Variants in LCOR observed in about 807,000 individuals in gnomAD.
LCOR encodes the protein ligand-dependent corepressor.
Under a neutral mutation model 64.4 loss-of-function variants are expected in LCOR, and 14 were observed. That is an observed-to-expected ratio of 0.22 (90% CI 0.14 to 0.34). LCOR has a LOEUF of 0.34. Among genes scored for constraint, LCOR ranks in the 10% least tolerant of loss-of-function variants. LCOR has a pLI of 1.00. For missense variants in LCOR, 1,686 were observed against 1,765.3 expected (o/e 0.96, Z 0.80); for synonymous variants, 643 against 642.5 (o/e 1.00, Z -0.01).
intron 4 of LCOR, among the ~76,000 whole-genome samples, chr10:96,915,460 G>T (rs1161374116): frequency 6.6e-6 from 1 of 152,190 alleles, no homozygotes; most frequent in African/African-American, 2.4e-5. Context: ...GGCGGAGGTT[G>T]CAGTCAGCCG....
At chr10:96,844,003 G>C (rs1845583985) in intron 2 of LCOR, among the ~76,000 whole-genome samples, 1 of 152,112 alleles carries the variant, frequency 6.6e-6, no homozygotes, top group Admixed American at 6.6e-5. Flanking sequence ...GGAGATTACA[G>C]ATTTGATTCG....
chr10:96,857,904 C>T (rs999039211), intron 2 of LCOR, among the ~76,000 whole-genome samples: 17 of 152,198 alleles, frequency 1.1e-4, no homozygotes, highest in African/African-American at 4.1e-4. Flanking sequence ...TGCCCAGTCC[C>T]TATTCCCTAA....
intron 2 of LCOR, among the ~76,000 whole-genome samples, chr10:96,887,510 C>T (rs940249859): frequency 2.0e-5 from 3 of 151,494 alleles, no homozygotes; most frequent in Non-Finnish European, 4.4e-5. Context: ...CTGCAGTGAG[C>T]CAAGATCACG....
chr10:96,929,843 C>T (rs1191981358), intron 4 of LCOR, among the ~76,000 whole-genome samples: 1 of 152,090 alleles, frequency 6.6e-6, no homozygotes, highest in African/African-American at 2.4e-5. Context: ...TATTAACTGG[C>T]CTAATTTCTA....
chr10:96,900,391 T>C (rs1466132536), intron 2 of LCOR, among the ~76,000 whole-genome samples: 1 of 151,856 alleles, frequency 6.6e-6, no homozygotes, highest in African/African-American at 2.4e-5. Context: ...AGTAAATGAA[T>C]CTCTTACGAG....
intron 4 of LCOR, among the ~76,000 whole-genome samples, chr10:96,926,531 C>A (rs1235637595): frequency 6.6e-6 from 1 of 151,818 alleles, no homozygotes; most frequent in Non-Finnish European, 1.5e-5. Context: ...TCTTTAATAC[C>A]CTGAACCTAT....
At chr10:96,896,164 C>T (rs898472781) in intron 2 of LCOR, among the ~76,000 whole-genome samples, 14 of 152,096 alleles carry the variant, frequency 9.2e-5, no homozygotes, top group African/African-American at 3.1e-4. Flanking sequence ...CTGCTTTGTA[C>T]AGTAGCACTT....
At chr10:96,884,178 G>A (rs777116222) in intron 2 of LCOR, among the ~76,000 whole-genome samples, 10 of 152,026 alleles carry the variant, frequency 6.6e-5, no homozygotes, top group African/African-American at 2.2e-4. Flanking sequence ...TCTCTCACTA[G>A]TGAAGTTTTC....
intron 2 of LCOR, among the ~76,000 whole-genome samples, chr10:96,861,375 G>T (rs1485210710): frequency 6.6e-6 from 1 of 152,178 alleles, no homozygotes; most frequent in Non-Finnish European, 1.5e-5. Flanking sequence ...GACAGTGGTA[G>T]TGTGAGTGTG....
intron 2 of LCOR, among the ~76,000 whole-genome samples, chr10:96,874,255 A>G (rs1016107919): frequency 1.2e-4 from 19 of 152,178 alleles, no homozygotes; most frequent in African/African-American, 4.1e-4. Flanking sequence ...CACGTGCGCC[A>G]TCATTAAAGA....
chr10:96,875,137 A>C (rs1179106070), intron 2 of LCOR, among the ~76,000 whole-genome samples: 6 of 151,390 alleles, frequency 4.0e-5, no homozygotes, highest in Non-Finnish European at 8.8e-5. Flanking sequence ...GTAATCCCAG[A>C]ACTTTGGGAG....
chr10:96,874,043 T>C (rs950520512), intron 2 of LCOR, among the ~76,000 whole-genome samples: 3 of 152,152 alleles, frequency 2.0e-5, no homozygotes, highest in East Asian at 3.9e-4. Flanking sequence ...TTGAAAATGA[T>C]TTGCTTTACT....
chr10:96,965,268 C>G (rs1459746034), intron 7 of LCOR, among the ~76,000 whole-genome samples: 1 of 151,740 alleles, frequency 6.6e-6, no homozygotes, highest in East Asian at 2.0e-4. Flanking sequence ...CTCAGCCTCC[C>G]AAAGTGCTGG....
At chr10:96,898,549 G>A (rs1436008565) in intron 2 of LCOR, among the ~76,000 whole-genome samples, 1 of 152,148 alleles carries the variant, frequency 6.6e-6, no homozygotes, top group Non-Finnish European at 1.5e-5. Flanking sequence ...TAGAGATGGT[G>A]GTGTGGGAGA....
Position 96,981,945 on chromosome 10 carries a change from A to T in LCOR, c.1485A>T (p.Lys495Asn). 6.2e-7 allele frequency: 1 copy of T among 1,614,220 alleles called. No homozygotes were observed. Among genetic ancestry groups the T allele is most frequent in the Non-Finnish European group, 8.5e-7 (1 of 1,180,052 alleles). The change falls in exon 8 of 8, where the codon AAA becomes AAT. Residue 495 changes from lysine to asparagine, a missense_variant. Coordinates refer to ENST00000421806, the MANE Select transcript of LCOR (RefSeq NM_001346516.2). ...AAAAATCAATATTATCTTCTCGGAA[A>T]ACAGCCAGAAAGAGTACTCGAGGAT... ...ENQKSILSSRKTARKSTRGYF... is the reference protein window; with the variant it reads ...ENQKSILSSRNTARKSTRGYF...
At chr10:96,911,157 G>T (rs1360155132) in intron 4 of LCOR, among the ~76,000 whole-genome samples, 1 of 148,292 alleles carries the variant, frequency 6.7e-6, no homozygotes, top group Non-Finnish European at 1.5e-5. Context: ...GGGTGCAGTG[G>T]TGTCATCTTG....
At chr10:96,840,263 T>C (rs1845517060) in intron 2 of LCOR, among the ~76,000 whole-genome samples, 1 of 152,242 alleles carries the variant, frequency 6.6e-6, no homozygotes, top group Admixed American at 6.5e-5. Context: ...TTCCTTTGTT[T>C]CATGTTTTAA....
intron 4 of LCOR, among the ~76,000 whole-genome samples, chr10:96,927,120 G>C (rs1375101429): frequency 6.6e-6 from 1 of 152,092 alleles, no homozygotes; most frequent in Admixed American, 6.6e-5. Context: ...GAACCATTTT[G>C]TGTTTCCATC....
At position 96,986,533 on chromosome 10, in the gene LCOR, T is replaced by C. The variant is rs1272139823; in HGVS notation, c.*1399T>C. 4 of 152,370 alleles carry C rather than the reference T, an allele frequency of 2.6e-5. No individual in the cohort carries two copies. In the East Asian group the frequency reaches 7.7e-4, roughly 29 times the overall value. 9.4% of individuals were successfully genotyped at this position (152,370 alleles called of 1,614,324 possible). ...TGCTTGTAGTATCACTCCTGCCATGTCATGTCAGGCTCTATTCCGTGTCTC... is the reference window on the plus strand; with the variant it reads ...TGCTTGTAGTATCACTCCTGCCATGCCATGTCAGGCTCTATTCCGTGTCTC... On this transcript the variant is annotated 3_prime_UTR_variant, in exon 8 of 8. Coordinates refer to ENST00000421806, the MANE Select transcript of LCOR (RefSeq NM_001346516.2).
Sources: gnomAD v4.1 joint callset for allele counts (sites outside exome capture counted in the v4.1 genomes callset) on GRCh38, gnomAD v4.1.1 for gene constraint, MANE v1.5 for transcripts, NCBI Gene and HGNC (gene_info 2026-07-23, HGNC 2026-07-21) for gene names.